PLD1: variants seen among roughly 807,000 people sequenced by gnomAD.
PLD1 encodes the protein choline phosphatase 1.
PLD1 carries 112 observed loss-of-function variants against 137.1 expected under a neutral mutation model. The observed-to-expected ratio is 0.82, with a 90% CI of 0.70 to 0.96. The LOEUF is 0.96. Among genes scored for constraint, PLD1 ranks in the 40% least tolerant of loss-of-function variants. The probability of loss-of-function intolerance (pLI) is 0.00; values close to 1 mark genes in which losing one functional copy is unlikely to be tolerated. For missense variants in PLD1, 1,321 were observed against 1,342.0 expected, an observed-to-expected ratio of 0.98 and a Z score of 0.24; for synonymous variants, 431 against 454.7, an observed-to-expected ratio of 0.95 and a Z score of 0.66.
chr3:171,763,731 G>A (rs944683988), intron 1 of PLD1, among the ~76,000 whole-genome samples: 1 of 151,202 alleles, frequency 6.6e-6, no homozygotes, highest in African/African-American at 2.4e-5. Flanking sequence ...TATGTTTAAT[G>A]TTATGCAAAT....
At chr3:171,660,886 G>C (rs1448362982) in intron 20 of PLD1, among the ~76,000 whole-genome samples, 3 of 152,130 alleles carry the variant, frequency 2.0e-5, no homozygotes, top group Non-Finnish European at 4.4e-5. Context: ...TGGGATTACA[G>C]GCATGAGCCA....
chr3:171,772,190 C>A (rs539939810), intron 1 of PLD1, among the ~76,000 whole-genome samples: 1 of 152,156 alleles, frequency 6.6e-6, no homozygotes, highest in Non-Finnish European at 1.5e-5. Context: ...CTTATTTTCC[C>A]CTAGTTTTCA....
chr3:171,741,760 G>A (rs901772822), intron 1 of PLD1, among the ~76,000 whole-genome samples: 3 of 152,160 alleles, frequency 2.0e-5, no homozygotes, highest in Admixed American at 6.5e-5. Context: ...CAGTTATTCA[G>A]TGATGAAATC....
intron 8 of PLD1, among the ~76,000 whole-genome samples, chr3:171,722,781 G>A (rs934092585): frequency 7.2e-5 from 11 of 151,966 alleles, no homozygotes; most frequent in African/African-American, 2.4e-4. Context: ...CGGCACTACC[G>A]TCTTATTTCA....
chr3:171,609,289 A>C (rs113741318), intron 25 of PLD1, among the ~76,000 whole-genome samples: 1,876 of 152,186 alleles, frequency 0.012, 34 homozygotes, highest in African/African-American at 0.04. Flanking sequence ...ACTGTTGGTG[A>C]TAACAGAAAT....
Position 171,603,183 on chromosome 3 carries a change from G to C in PLD1, c.3120C>G (p.Ile1040Met), listed in dbSNP as rs1460102004. 6.2e-7 allele frequency: 1 copy of C among 1,614,086 alleles called. No homozygotes were observed. Among genetic ancestry groups the C allele is most frequent in the Non-Finnish European group, 8.5e-7 (1 of 1,179,944 alleles). ...PIRAEEELKK[I>M]RGFLVQFPFY... Reference sequence around the variant, plus strand: ...AGGGGAATTGCACCAAAAATCCACGGATCTTCTTCAGTTCCTCCTCAGCTC... The same window carrying C: ...AGGGGAATTGCACCAAAAATCCACGCATCTTCTTCAGTTCCTCCTCAGCTC... Residue 1040 changes from isoleucine to methionine, a missense_variant, in exon 27 of 27, where the codon ATC becomes ATG. Physicochemically the swap from Ile to Met is conservative, Grantham distance 10 (BLOSUM62 1). Coordinates refer to ENST00000351298, the MANE Select transcript of PLD1 (RefSeq NM_002662.5).
intron 19 of PLD1, among the ~76,000 whole-genome samples, chr3:171,670,992 A>C (rs1712683422): frequency 6.6e-6 from 1 of 152,156 alleles, no homozygotes; most frequent in Non-Finnish European, 1.5e-5. Flanking sequence ...AATGAATGAA[A>C]ATTTTCCCTT....
chr3:171,764,204 G>C (rs1202259749), intron 1 of PLD1, among the ~76,000 whole-genome samples: 1 of 151,976 alleles, frequency 6.6e-6, no homozygotes, highest in Non-Finnish European at 1.5e-5. Flanking sequence ...GAAACTCCTG[G>C]GCTCAAGTGA....
intron 23 of PLD1, among the ~76,000 whole-genome samples, chr3:171,634,392 C>T (rs902731869): frequency 1.3e-5 from 2 of 152,114 alleles, no homozygotes; most frequent in African/African-American, 2.4e-5. Context: ...CCACTGCCAG[C>T]GCTGAATGAT....
chr3:171,738,114 A>C (rs1380162354), intron 1 of PLD1, 32 bp from the exon 2 acceptor site: 5 of 1,323,352 alleles, frequency 3.8e-6, no homozygotes, highest in Non-Finnish European at 5.3e-6. Context: ...ACAAAGACTT[A>C]GCATTTTGAT....
At chr3:171,703,470 A>C (rs1050387805) in intron 11 of PLD1, among the ~76,000 whole-genome samples, 19 of 152,244 alleles carry the variant, frequency 1.2e-4, no homozygotes, top group Non-Finnish European at 7.3e-5. Flanking sequence ...CAGCACTAAT[A>C]AATTAATTTA....
intron 19 of PLD1, among the ~76,000 whole-genome samples, chr3:171,665,447 C>T (rs1296032731): frequency 6.6e-6 from 1 of 152,166 alleles, no homozygotes; most frequent in Non-Finnish European, 1.5e-5. Flanking sequence ...CACCTGTAAT[C>T]CCAGCACTTT....
At chr3:171,733,761 T>C (rs931249711) in intron 5 of PLD1, among the ~76,000 whole-genome samples, 3 of 152,334 alleles carry the variant, frequency 2.0e-5, no homozygotes, top group South Asian at 2.1e-4. Flanking sequence ...TATAAACTGC[T>C]GACAAGCCCT....
At chr3:171,783,278 C>T (rs531283653) in intron 1 of PLD1, among the ~76,000 whole-genome samples, 2 of 152,066 alleles carry the variant, frequency 1.3e-5, no homozygotes, top group South Asian at 4.2e-4. Flanking sequence ...GTGTGTTTTC[C>T]AGGAATGCTC....
rs1331876086 is a variant in PLD1 at position 171,688,736 on chromosome 3, T to G, written c.1479A>C (p.Arg493Ser). Reference protein sequence around the residue: ...AYGRWDDNEHRLTDVGSVKRV... With the variant: ...AYGRWDDNEHSLTDVGSVKRV... The stretch of plus-strand genomic sequence containing the variant: ...GCTTCACACTGCCCACGTCTGTGAG[T>G]CTGTGCTCATTGTCGTCCCACCTTC... Residue 493 changes from arginine (R) to serine (S), a missense_variant, in exon 14 of 27, where the codon AGA becomes AGC. Transcript: ENST00000351298. 3 of 1,613,912 alleles carry G rather than the reference T, an allele frequency of 1.9e-6. No individual in the cohort carries two copies. Among genetic ancestry groups the G allele is most frequent in the Non-Finnish European group, 2.5e-6 (3 of 1,180,004 alleles).
At chr3:171,763,897 T>C (rs1235064566) in intron 1 of PLD1, among the ~76,000 whole-genome samples, 2 of 149,962 alleles carry the variant, frequency 1.3e-5, no homozygotes, top group Non-Finnish European at 3.0e-5. Context: ...AGTTGATAGG[T>C]CTTCCTAGGA....
chr3:171,761,172 ACAG>A (rs1489077907), intron 1 of PLD1, among the ~76,000 whole-genome samples: 1 of 152,144 alleles, frequency 6.6e-6, no homozygotes, highest in East Asian at 1.9e-4. Context: ...AGCCAACATC[ACAG>A]CAGGGCTACT....
At chr3:171,647,984 T>C (rs1228893970) in intron 21 of PLD1, among the ~76,000 whole-genome samples, 1 of 152,208 alleles carries the variant, frequency 6.6e-6, no homozygotes, top group Non-Finnish European at 1.5e-5. Context: ...TTGTCCTTTA[T>C]GTCTGACTTG....
At chr3:171,765,120 T>G (rs1483545217) in intron 1 of PLD1, 1 of 152,092 alleles carries the variant, frequency 6.6e-6, no homozygotes, top group Non-Finnish European at 1.5e-5. Context: ...GTTTAAAAAA[T>G]GGACTATAGT....
Sources: allele counts gnomAD v4.1 joint callset (sites outside exome capture counted in the v4.1 genomes callset), GRCh38; gene constraint gnomAD v4.1.1; transcripts MANE v1.5; gene names NCBI Gene and HGNC (gene_info 2026-07-23, HGNC 2026-07-21).